Variants in SH3BP5 observed in about 807,000 individuals in gnomAD.
SH3BP5 encodes SH3 domain binding protein 5.
Under a neutral mutation model 43.3 loss-of-function variants are expected in SH3BP5, and 22 were observed. The ratio of observed to expected loss-of-function variants is 0.51; its 90% confidence interval spans 0.36 to 0.73. The LOEUF is 0.73. Among genes scored for constraint, SH3BP5 ranks in the 30% least tolerant of loss-of-function variants. The pLI, the probability that SH3BP5 is intolerant of heterozygous loss-of-function variation, is 0.00. For synonymous variants in SH3BP5, 255 were observed against 225.8 expected, an observed-to-expected ratio of 1.13 and a Z score of -1.16; for missense variants, 529 against 586.9, an observed-to-expected ratio of 0.90 and a Z score of 1.02.
Position 15,254,533 on chromosome 3 carries a change from T to TTCTC in SH3BP5, c.*1549_*1552dup, listed in dbSNP as rs1472512508. The TTCTC allele has an allele frequency of 6.6e-6, 1 of 151,738 alleles. No homozygotes were observed. The highest frequency in any genetic ancestry group is 6.6e-5 in the Admixed American group (1 of 15,258). 9.4% of individuals were successfully genotyped at this position (151,738 alleles called of 1,614,324 possible). On this transcript the variant is annotated 3_prime_UTR_variant, in exon 9 of 9. Transcript: ENST00000383791. ...CCCCCCCAGTTAATTAATTAAATAA[T>TTCTC]TCTCTGGGGATGAGAACTGACTGAC... is the stretch of plus-strand genomic sequence containing the variant.
intron 2 of SH3BP5, among the ~76,000 whole-genome samples, chr3:15,321,314 A>G (rs1054492332): frequency 6.6e-6 from 1 of 152,190 alleles, no homozygotes; most frequent in African/African-American, 2.4e-5. Flanking sequence ...AGAAGATCCT[A>G]AAGTGCCTTT....
intron 8 of SH3BP5, 134 bp downstream of exon 8, chr3:15,256,719 C>G: frequency 9.3e-7 from 1 of 1,072,516 alleles, no homozygotes. Flanking sequence ...GTGATCAATA[C>G]TGACAGCACA....
chr3:15,306,200 C>G (rs1559450539), intron 2 of SH3BP5, among the ~76,000 whole-genome samples: 1 of 151,160 alleles, frequency 6.6e-6, no homozygotes, highest in East Asian at 2.0e-4. Context: ...ACTAAAAATA[C>G]AAAAAAAAAT....
intron 3 of SH3BP5, among the ~76,000 whole-genome samples, chr3:15,299,156 T>C (rs6442511): frequency 0.24 from 35,904 of 152,156 alleles, 6,693 homozygotes; most frequent in African/African-American, 0.52. Context: ...TTCAGCGTCA[T>C]TGATTCACAT....
chr3:15,265,559 C>CACACAA (rs1285577992), intron 4 of SH3BP5, among the ~76,000 whole-genome samples: 2 of 142,932 alleles, frequency 1.4e-5, no homozygotes, highest in Non-Finnish European at 1.6e-5. Context: ...CACACACACA[C>CACACAA]AACCCTCCAG....
chr3:15,281,446 T>C (rs78747977), intron 3 of SH3BP5, among the ~76,000 whole-genome samples: 24,206 of 152,082 alleles, frequency 0.16, 2,068 homozygotes, highest in African/African-American at 0.19. Flanking sequence ...AACAAGGACC[T>C]GAAGGCATCA....
intron 3 of SH3BP5, among the ~76,000 whole-genome samples, chr3:15,289,407 G>C (rs1697351527): frequency 6.6e-6 from 1 of 152,160 alleles, no homozygotes; most frequent in Non-Finnish European, 1.5e-5. Context: ...GTGATGGCTG[G>C]AGTTCCTGGA....
At chr3:15,319,893 AC>A (rs959064368) in intron 2 of SH3BP5, among the ~76,000 whole-genome samples, 1 of 152,052 alleles carries the variant, frequency 6.6e-6, no homozygotes, top group African/African-American at 2.4e-5. Flanking sequence ...CCCTCTCAAA[AC>A]CCTCTCCAAA....
chr3:15,337,220 G>A (rs1698712014), upstream of SH3BP5, among the ~76,000 whole-genome samples: 1 of 151,312 alleles, frequency 6.6e-6, no homozygotes, highest in East Asian at 1.9e-4. Flanking sequence ...GTGTAGCTGG[G>A]ATTATAGGCG....
chr3:15,254,427 AAG>A lies in SH3BP5; in HGVS notation c.*1657_*1658del, dbSNP rs970953783. The A allele has an allele frequency of 1.3e-5, 2 of 152,366 alleles. No homozygotes were observed. Among genetic ancestry groups the A allele is most frequent in the African/African-American group, 4.8e-5 (2 of 41,580 alleles). 9.4% of individuals were successfully genotyped at this position (152,366 alleles called of 1,614,324 possible). On this transcript the variant is annotated 3_prime_UTR_variant, in exon 9 of 9. Transcript: ENST00000383791. Reference sequence around the variant, plus strand: ...TATTATAAAACATTTCCACAAAAGAAAGAATCCATCTGATTCTCAACTCTGAA... The same window carrying A: ...TATTATAAAACATTTCCACAAAAGAAAATCCATCTGATTCTCAACTCTGAA...
At chr3:15,327,046 C>G (rs1423717667) in intron 2 of SH3BP5, among the ~76,000 whole-genome samples, 1 of 152,158 alleles carries the variant, frequency 6.6e-6, no homozygotes, top group Admixed American at 6.5e-5. Context: ...ATTCAGTGTT[C>G]ACAACTTTAT....
At chr3:15,299,682 A>G (rs1171887644) in intron 3 of SH3BP5, among the ~76,000 whole-genome samples, 3 of 151,898 alleles carry the variant, frequency 2.0e-5, no homozygotes, top group African/African-American at 7.3e-5. Flanking sequence ...TTTATTTCAT[A>G]TAGAGACAAG....
intron 2 of SH3BP5, among the ~76,000 whole-genome samples, chr3:15,312,157 T>C (rs944347624): frequency 2.0e-5 from 3 of 152,044 alleles, no homozygotes; most frequent in Non-Finnish European, 4.4e-5. Context: ...TTCAGTAGAG[T>C]TTTCCAGAAG....
chr3:15,286,287 G>A (rs1387680221), intron 3 of SH3BP5, among the ~76,000 whole-genome samples: 2 of 152,170 alleles, frequency 1.3e-5, no homozygotes, highest in African/African-American at 4.8e-5. Flanking sequence ...AGGCAGAATC[G>A]GCACAAACTG....
intron 3 of SH3BP5, among the ~76,000 whole-genome samples, chr3:15,271,018 C>T (rs114277720): frequency 0.039 from 5,800 of 150,052 alleles, 367 homozygotes; most frequent in African/African-American, 0.13. Flanking sequence ...TGTTAAATAT[C>T]TCAATAATTT....
intron 6 of SH3BP5, chr3:15,259,456 G>T (rs865915281): frequency 3.2e-5 from 17 of 535,708 alleles, no homozygotes; most frequent in African/African-American, 3.1e-4. Context: ...TTCTAATTCA[G>T]TCGGTCTAGA....
chr3:15,269,994 T>A, intron 3 of SH3BP5, 117 bp from the exon 4 acceptor site: 1 of 881,592 alleles, frequency 1.1e-6, no homozygotes, highest in Non-Finnish European at 1.7e-6. Flanking sequence ...CTCTGCCTCT[T>A]CACTCCTGGC....
At chr3:15,314,668 T>C (rs1698143731) in intron 2 of SH3BP5, among the ~76,000 whole-genome samples, 1 of 152,222 alleles carries the variant, frequency 6.6e-6, no homozygotes, top group Admixed American at 6.5e-5. Context: ...CACAGCAGTT[T>C]GTGTCATCCA....
intron 2 of SH3BP5, among the ~76,000 whole-genome samples, chr3:15,318,595 C>T (rs1698242868): frequency 6.6e-6 from 1 of 151,140 alleles, no homozygotes; most frequent in African/African-American, 2.4e-5. Context: ...AAGAGTCTCG[C>T]TTTGTCACCC....
Sources: gnomAD v4.1 joint callset for allele counts (sites outside exome capture counted in the v4.1 genomes callset) on GRCh38, gnomAD v4.1.1 for gene constraint, MANE v1.5 for transcripts, NCBI Gene and HGNC (gene_info 2026-07-23, HGNC 2026-07-21) for gene names.